The following MUC4 variants were observed in gnomAD, a reference collection of about 807,000 sequenced individuals.
MUC4 encodes the protein mucin-4.
A neutral mutation model predicts 257.9 loss-of-function variants in MUC4; 202 were observed. The observed-to-expected ratio is 0.78, with a 90% confidence interval of 0.70 to 0.88. MUC4 has a LOEUF of 0.88. Among genes scored for constraint, MUC4 ranks in the 40% least tolerant of loss-of-function variants. The pLI, the probability that MUC4 is intolerant of heterozygous loss-of-function variation, is 0.00. For missense variants in MUC4, 5,976 were observed against 6,513.7 expected, an observed-to-expected ratio of 0.92 and a Z score of 2.84; for synonymous variants, 2,351 against 2,757.1, an observed-to-expected ratio of 0.85 and a Z score of 4.62.
At position 195,750,917 on chromosome 3, in the gene MUC4, G is replaced by C. The variant is rs779250450; in HGVS notation, c.15843C>G (p.Ser5281=). ...PRNDVVFQPI[S]GEDVRDVTAL... is the part of the protein sequence containing the mutation. ...CTGTCACATCGCGCACGTCTTCCCC[G>C]GAGATGGGCTGGAAGACCACGTCGT... is the stretch of plus-strand genomic sequence containing the variant. Residue 5281 remains serine (S), a synonymous_variant, in exon 23 of 25, where the codon TCC becomes TCG. Transcript: ENST00000463781. The C allele has an allele frequency of 6.2e-7, 1 of 1,613,668 alleles. No individual in the cohort carries two copies. Among genetic ancestry groups the C allele is most frequent in the African/African-American group, 1.3e-5 (1 of 74,876 alleles).
In MUC4 at chr3:195,757,064, A is replaced by T. The variant is rs967715659; in HGVS notation, c.15168+83T>A. On this transcript the variant is annotated intron_variant, in intron 18 of 24. Coordinates refer to ENST00000463781, the MANE Select transcript of MUC4 (RefSeq NM_018406.7). The surrounding 1 kb of genome is among the most constrained non-coding windows in gnomAD (Gnocchi z 4.8). ...ATCTCCCAACACAGACACACCCAGG[A>T]CAGGCAGAATCACAGCATCCATTCC... The T allele has an allele frequency of 7.1e-6, 10 of 1,415,800 alleles. No homozygotes were observed. In the African/African-American group the frequency reaches 1.4e-4, roughly 20 times the overall value. The allele number at this position is 1,415,800 out of a possible 1,614,324, so 87.7% of individuals were successfully genotyped here.
intron 3 of MUC4, among the ~76,000 whole-genome samples, chr3:195,777,752 T>A (rs370053997): frequency 0.03 from 70 of 2,312 alleles, 2 homozygotes; most frequent in Non-Finnish European, 0.037. Context: ...TTCCACACCC[T>A]TACCTTCCAC....
At position 195,783,436 on chromosome 3, in the gene MUC4, G is replaced by C; in HGVS notation, c.8144C>G (p.Thr2715Arg). 4.8e-6 allele frequency: 3 copies of C among 621,076 alleles called. No homozygotes were observed. The highest frequency in any genetic ancestry group is 6.7e-5 in the East Asian group (2 of 30,064). The allele number at this position is 621,076 out of a possible 1,614,324, so 38.5% of individuals were successfully genotyped here. A position where few individuals can be genotyped will look rare whatever the true frequency, so the allele number is the denominator to read the frequency against. The change falls in exon 2 of 25, where the codon ACA (threonine) becomes AGA (arginine). Residue 2715 changes from threonine (T) to arginine (R), a missense_variant. Physicochemically the swap from Thr to Arg is moderately conservative, Grantham distance 71 (BLOSUM62 -1). Transcript: ENST00000463781. ...LPVTDTSSAY[T>R]GDTTSLPVTD... Reference sequence around the variant, plus strand: ...GACAGGAAGAGAGGTGGTGTCACCTGTGTATGCTGAGGAAGTGTCGGTGAC... The same window carrying C: ...GACAGGAAGAGAGGTGGTGTCACCTCTGTATGCTGAGGAAGTGTCGGTGAC...
At chr3:195,776,579 C>G (rs370858310) in intron 3 of MUC4, among the ~76,000 whole-genome samples, 1 of 29,636 alleles carries the variant, frequency 3.4e-5, no homozygotes, top group Admixed American at 2.0e-4. Context: ...ACCTTCCACA[C>G]CCATACCTTC....
At position 195,751,111 on chromosome 3, in the gene MUC4, C is replaced by G. The variant is rs773191641; in HGVS notation, c.15649G>C (p.Asp5217His). 13 of 1,297,130 alleles carry G rather than the reference C, an allele frequency of 1.0e-5. No individual in the cohort carries two copies. Among genetic ancestry groups the G allele is most frequent in the South Asian group, 1.2e-5 (1 of 81,796 alleles). 80.4% of individuals were successfully genotyped at this position (1,297,130 alleles called of 1,614,324 possible). Reference protein sequence around the residue: ...FLRNSQVERIDSAAPASGSPI... With the variant: ...FLRNSQVERIHSAAPASGSPI... ...CTTCCCGAGGCCGGTGCTGCAGAAT[C>G]GCTGTGTGGGAGGGCAACGGTGAGG... Residue 5217 changes from aspartate (D) to histidine (H), a missense_variant and splice_region_variant, in exon 23 of 25, where the codon GAT becomes CAT. By Grantham distance (81) the Asp-to-His change is moderately conservative. Transcript: ENST00000463781.
At position 195,788,656 on chromosome 3, in the gene MUC4, G is replaced by C. The variant is rs918262243; in HGVS notation, c.2924C>G (p.Thr975Ser). The C allele has an allele frequency of 1.2e-6, 2 of 1,611,390 alleles. No homozygotes were observed. The highest frequency in any genetic ancestry group is 1.3e-5 in the African/African-American group (1 of 74,906). The change falls in exon 2 of 25, where the codon ACC becomes AGC. Residue 975 changes from threonine to serine, a missense_variant. This residue lies in a region of MUC4 where 1,583 missense variants were observed against 1,257.4 expected (regional missense o/e 1.26). Coordinates refer to ENST00000463781, the MANE Select transcript of MUC4 (RefSeq NM_018406.7). ...GGAAGCGTAGGTGACAGGAAGAGGG[G>C]TGGCGTTGCTGATGAGGGCCGTGGT... ...TFTTALISNA[T>S]PLPVTYASSA...
Position 195,781,526 on chromosome 3 carries a change from A to T in MUC4, c.10054T>A (p.Ser3352Thr). 1 of 1,468,082 alleles carries T rather than the reference A, an allele frequency of 6.8e-7. No individual in the cohort carries two copies. Among genetic ancestry groups the T allele is most frequent in the Non-Finnish European group, 9.2e-7 (1 of 1,091,496 alleles). 90.9% of individuals were successfully genotyped at this position (1,468,082 alleles called of 1,614,324 possible). A position where few individuals can be genotyped will look rare whatever the true frequency, so the allele number is the denominator to read the frequency against. The change falls in exon 2 of 25, where the codon TCA becomes ACA. Residue 3352 changes from serine (S) to threonine (T), a missense_variant. This residue lies in a region of MUC4 where 72 missense variants were observed against 33.5 expected (regional missense o/e 2.15). Transcript: ENST00000463781. ...TTPVPVTDTSSVSTGHATPLP... is the reference protein window; with the variant it reads ...TTPVPVTDTSTVSTGHATPLP... ...GGGGTGGCGTGACCTGTGGATACTG[A>T]GGAAGTGTCGGTGACAGGCACAGGG...
chr3:195,809,977 G>A (rs933151112), intron 1 of MUC4: 1 of 152,630 alleles, frequency 6.6e-6, no homozygotes, highest in Non-Finnish European at 1.5e-5. Flanking sequence ...CCAAGCCCCA[G>A]CCTCGCTCTG....
At chr3:195,770,949 G>A (rs1010986001) in intron 5 of MUC4, 1 of 447,170 alleles carries the variant, frequency 2.2e-6, no homozygotes, top group Non-Finnish European at 4.5e-6. Flanking sequence ...AGGTCTTCTC[G>A]TGGCCGGGTT....
In MUC4 at chr3:195,786,480, G is replaced by T. The variant is rs545569301; in HGVS notation, c.5100C>A (p.Thr1700=). 6.6e-7 allele frequency: 1 copy of T among 1,526,308 alleles called. No individual in the cohort carries two copies. Among genetic ancestry groups the T allele is most frequent in the Non-Finnish European group, 8.8e-7 (1 of 1,132,246 alleles). 94.5% of individuals were successfully genotyped at this position (1,526,308 alleles called of 1,614,324 possible). A position where few individuals can be genotyped will look rare whatever the true frequency, so the allele number is the denominator to read the frequency against. ...GACCTGTGGATGCCGAGGAAACGTC[G>T]GTGACAGGAAGACGGGTGGTGTCAT... ...TTDDTTRLPV[T]DVSSASTGQA... Residue 1700 remains threonine (T), a synonymous_variant, in exon 2 of 25, where the codon ACC becomes ACA. Coordinates refer to ENST00000463781, the MANE Select transcript of MUC4 (RefSeq NM_018406.7).
intron 1 of MUC4, among the ~76,000 whole-genome samples, chr3:195,806,064 C>T (rs1318144360): frequency 6.6e-6 from 1 of 152,092 alleles, no homozygotes; most frequent in Non-Finnish European, 1.5e-5. Context: ...TGCAGTGAGC[C>T]GAGATAACGC....
rs200566410 is a variant in MUC4, at chr3:195,780,733, C to T, written c.10847G>A (p.Arg3616His). The T allele has an allele frequency of 1.6e-4, 134 of 824,190 alleles. 14 individuals are homozygous for T. In the African/African-American group the frequency reaches 6.4e-3, roughly 39 times the overall value. 51.1% of individuals were successfully genotyped at this position (824,190 alleles called of 1,614,324 possible). A position where few individuals can be genotyped will look rare whatever the true frequency, so the allele number is the denominator to read the frequency against. ...TSSASTGDTT[R>H]LPVTDTSSAS... ...TGAGGAAGTGTCCGTGACAGGAAGA[C>T]GGGTGGTGTCACCTGTGGATGCTGA... Residue 3616 changes from arginine (R) to histidine (H), a missense_variant, in exon 2 of 25, where the codon CGT (arginine) becomes CAT (histidine). Physicochemically the swap from Arg to His is conservative, Grantham distance 29. Transcript: ENST00000463781.
intron 12 of MUC4, 23 bp from the exon 13 acceptor site, chr3:195,762,968 C>G: frequency 6.6e-7 from 1 of 1,518,142 alleles, no homozygotes; most frequent in Non-Finnish European, 8.9e-7. Context: ...GGGAGGGGGC[C>G]TGAGCCCGAC....
chr3:195,750,543 A>T (rs1381870475), intron 23 of MUC4: 2 of 358,310 alleles, frequency 5.6e-6, no homozygotes, highest in Non-Finnish European at 1.0e-5. Context: ...CCCGCTGGAG[A>T]GCAGAGACGA....
intron 5 of MUC4, among the ~76,000 whole-genome samples, chr3:195,771,071 A>G (rs1722743074): frequency 7.4e-6 from 1 of 134,314 alleles, no homozygotes; most frequent in East Asian, 2.5e-4. Context: ...ATTCCTGGTC[A>G]GTCTCGTGGC....
intron 18 of MUC4, among the ~76,000 whole-genome samples, chr3:195,754,899 ATGTATGTGTGTG>A (rs1717304214): frequency 3.3e-5 from 1 of 30,582 alleles, no homozygotes; most frequent in Non-Finnish European, 8.4e-5. Flanking sequence ...GTATCCATGT[ATGTATGTGTGTG>A]TCATGCATGT....
intron 4 of MUC4, among the ~76,000 whole-genome samples, chr3:195,772,470 C>T (rs1466183880): frequency 1.6e-5 from 2 of 127,860 alleles, no homozygotes; most frequent in Non-Finnish European, 1.7e-5. Flanking sequence ...CACCCTCTCT[C>T]CATCGCTCAG....
At position 195,781,158 on chromosome 3, in the gene MUC4, A is replaced by G. The variant is rs1560317124; in HGVS notation, c.10422T>C (p.Pro3474=). 1 of 1,480,296 alleles carries G rather than the reference A, an allele frequency of 6.8e-7. No individual in the cohort carries two copies. Among genetic ancestry groups the G allele is most frequent in the Non-Finnish European group, 9.0e-7 (1 of 1,107,884 alleles). 91.7% of individuals were successfully genotyped at this position (1,480,296 alleles called of 1,614,324 possible). A position where few individuals can be genotyped will look rare whatever the true frequency, so the allele number is the denominator to read the frequency against. The part of the protein sequence containing the change: ...SASTGDTTPL[P]VTSPSSASTG... The stretch of plus-strand genomic sequence containing the variant: ...TAGATGCTGAGGAAGGGCTGGTGAC[A>G]GGAAGAGGGGTGGTGTCACCTGTGG... The change falls in exon 2 of 25, where the codon CCT becomes CCC. Residue 3474 remains proline (P), a synonymous_variant. Transcript: ENST00000463781.
intron 8 of MUC4, among the ~76,000 whole-genome samples, chr3:195,766,073 G>GTATT (rs1720407221): frequency 6.6e-6 from 1 of 152,080 alleles, no homozygotes; most frequent in East Asian, 1.9e-4. Context: ...CAATTCTCCT[G>GTATT]CCTCAACCTA....
Sources: gnomAD v4.1 joint callset for allele counts (sites outside exome capture counted in the v4.1 genomes callset) on GRCh38, gnomAD v4.1.1 for gene constraint, gnomAD v4.1.1 regional missense constraint, Gnocchi (gnomAD v3.1) non-coding constraint, MANE v1.5 for transcripts, NCBI Gene and HGNC (gene_info 2026-07-23, HGNC 2026-07-21) for gene names.